The following ERBB4 variants were observed in gnomAD, a reference collection of about 807,000 sequenced individuals.
The protein encoded by ERBB4 is receptor tyrosine-protein kinase erbB-4.
In ERBB4, 42 loss-of-function variants were observed where a neutral mutation model predicts 158.0. The observed-to-expected ratio is 0.27, with a 90% CI of 0.21 to 0.34. ERBB4 has a LOEUF of 0.34. ERBB4 is among the 10% of genes least tolerant of loss of function. The pLI is 1.00. For missense variants in ERBB4, 1,333 were observed against 1,624.1 expected (o/e 0.82, Z 3.08); for synonymous variants, 583 against 558.7 (o/e 1.04, Z -0.61).
At chr2:211,510,211 T>C (rs1249766287) in intron 20 of ERBB4, among the ~76,000 whole-genome samples, 1 of 152,050 alleles carries the variant, frequency 6.6e-6, no homozygotes, top group Non-Finnish European at 1.5e-5. Flanking sequence ...GGTGGTTGGA[T>C]AAAGAAAATA....
Position 212,411,262 on chromosome 2 carries a change from A to T in ERBB4, c.82+127187T>A, listed in dbSNP as rs186607141. Among the ~76,000 whole-genome samples, 425 of 152,262 alleles carry T rather than the reference A, an allele frequency of 2.8e-3. 2 individuals are homozygous for T. The highest frequency in any genetic ancestry group is 4.1e-3 in the Non-Finnish European group (277 of 68,006). ...CATTTTTCAGTGCCATAACCACGAA[A>T]CAGGCTACAAGCAGTCCTTAAATGC... is the stretch of plus-strand genomic sequence containing the variant. On this transcript the variant is annotated intron_variant, in intron 1 of 27. Coordinates refer to ENST00000342788, the MANE Select transcript of ERBB4 (RefSeq NM_005235.3).
intron 1 of ERBB4, among the ~76,000 whole-genome samples, chr2:212,338,596 C>T (rs2088559903): frequency 6.6e-6 from 1 of 152,056 alleles, no homozygotes; most frequent in African/African-American, 2.4e-5. Context: ...AAAAGAGATA[C>T]GCACTAAAAT....
chr2:212,508,332 T>C (rs1017948487), intron 1 of ERBB4, among the ~76,000 whole-genome samples: 7 of 152,116 alleles, frequency 4.6e-5, no homozygotes, highest in Non-Finnish European at 1.0e-4. Flanking sequence ...TATTATTATA[T>C]AGAAATAAAG....
intron 2 of ERBB4, among the ~76,000 whole-genome samples, chr2:211,984,419 A>G (rs1170898328): frequency 2.6e-5 from 4 of 152,222 alleles, no homozygotes; most frequent in Admixed American, 6.5e-5. Flanking sequence ...TGAAAATTGC[A>G]TAATTTACAG....
At chr2:211,432,584 C>A (rs2063766359) in intron 20 of ERBB4, among the ~76,000 whole-genome samples, 1 of 146,794 alleles carries the variant, frequency 6.8e-6, no homozygotes, top group Admixed American at 6.8e-5. Flanking sequence ...GAACATATAG[C>A]CCTTATATGA....
chr2:211,464,030 T>C (rs1559193992), intron 20 of ERBB4, among the ~76,000 whole-genome samples: 1 of 152,164 alleles, frequency 6.6e-6, no homozygotes, highest in Non-Finnish European at 1.5e-5. Context: ...CTTGCTTTTT[T>C]CCTTTAAGTC....
chr2:211,992,974 A>C (rs1363229131), intron 2 of ERBB4, among the ~76,000 whole-genome samples: 3 of 152,220 alleles, frequency 2.0e-5, no homozygotes, highest in Non-Finnish European at 4.4e-5. Flanking sequence ...TAACCCAATC[A>C]ACTACCTGTC....
At chr2:211,853,122 T>C (rs2077759579) in intron 3 of ERBB4, among the ~76,000 whole-genome samples, 1 of 151,986 alleles carries the variant, frequency 6.6e-6, no homozygotes, top group African/African-American at 2.4e-5. Flanking sequence ...TAATATTAAG[T>C]AGAACAGTCT....
rs150339232 is a variant in ERBB4 at position 212,459,076 on chromosome 2, T to C, written c.82+79373A>G. Reference sequence around the variant, plus strand: ...AGGGATTTAAGTATAATCAAATGTTTGACAAGTAAATTTGTACAGGGTGAT... The same window carrying C: ...AGGGATTTAAGTATAATCAAATGTTCGACAAGTAAATTTGTACAGGGTGAT... On this transcript the variant is annotated intron_variant, in intron 1 of 27. Coordinates refer to ENST00000342788, the MANE Select transcript of ERBB4 (RefSeq NM_005235.3). Among the ~76,000 whole-genome samples, 34 of 152,298 alleles carry C rather than the reference T, an allele frequency of 2.2e-4. No individual in the cohort carries two copies. In the East Asian group the frequency reaches 5.6e-3, roughly 25 times the overall value.
intron 14 of ERBB4, among the ~76,000 whole-genome samples, chr2:211,670,345 C>T (rs1227441538): frequency 6.6e-6 from 1 of 152,152 alleles, no homozygotes; most frequent in African/African-American, 2.4e-5. Flanking sequence ...TGAAAGATGT[C>T]GTGTTCTTAC....
At chr2:211,745,576 G>C (rs1188172887) in intron 5 of ERBB4, among the ~76,000 whole-genome samples, 1 of 152,052 alleles carries the variant, frequency 6.6e-6, no homozygotes, top group Admixed American at 6.5e-5. Context: ...ATTTAAATTG[G>C]AATAAGTTTT....
At chr2:211,471,937 T>C (rs1165496359) in intron 20 of ERBB4, among the ~76,000 whole-genome samples, 3 of 152,000 alleles carry the variant, frequency 2.0e-5, no homozygotes, top group Non-Finnish European at 2.9e-5. Flanking sequence ...AGGCCAGGAA[T>C]TGAAGACCAG....
chr2:211,388,847 C>T (rs1447022227), intron 25 of ERBB4, among the ~76,000 whole-genome samples: 1 of 152,102 alleles, frequency 6.6e-6, no homozygotes, highest in Admixed American at 6.5e-5. Context: ...TTTCTTAATA[C>T]AAAAATACAT....
chr2:212,169,084 C>G (rs1455674198), intron 1 of ERBB4, among the ~76,000 whole-genome samples: 1 of 152,082 alleles, frequency 6.6e-6, no homozygotes, highest in African/African-American at 2.4e-5. Context: ...ATATGCAAAT[C>G]ATTGCTTTCA....
In ERBB4 at chr2:212,307,902, T is replaced by C. The variant is rs560458224; in HGVS notation, c.83-182999A>G. 3.3e-5 allele frequency among the ~76,000 whole-genome samples: 5 copies of C among 151,108 alleles called. No individual in the cohort carries two copies. The South Asian group carries it at 1.0e-3, about 31-fold the overall frequency. On this transcript the variant is annotated intron_variant, in intron 1 of 27. Coordinates refer to ENST00000342788, the MANE Select transcript of ERBB4 (RefSeq NM_005235.3). ...AGCAGCCAAAGGTAGACTAATGTTT[T>C]TGAACAGCAGCATTGCATCTTCTCA...
intron 20 of ERBB4, among the ~76,000 whole-genome samples, chr2:211,550,613 C>CTCTATATATGAATATA: frequency 7.2e-6 from 1 of 138,398 alleles, no homozygotes; most frequent in South Asian, 2.3e-4. Context: ...AGATATCTAT[C>CTCTATATATGAATATA]TCTATATATG....
chr2:212,302,415 C>T (rs2086655792), intron 1 of ERBB4, among the ~76,000 whole-genome samples: 2 of 151,424 alleles, frequency 1.3e-5, no homozygotes, highest in South Asian at 2.1e-4. Context: ...TCTACTCTAG[C>T]AGTGTTCAGT....
At chr2:212,507,949 G>C (rs996068845) in intron 1 of ERBB4, among the ~76,000 whole-genome samples, 1 of 152,070 alleles carries the variant, frequency 6.6e-6, no homozygotes, top group African/African-American at 2.4e-5. Context: ...TTTCATGAAA[G>C]GAAGAGTCAA....
Position 211,985,324 on chromosome 2 carries a change from G to A in ERBB4, c.235-37708C>T, listed in dbSNP as rs962149277. The stretch of plus-strand genomic sequence containing the variant: ...GGAAGGAATGAAAAAATAATCTATT[G>A]GAAAAAAAGTCTTTTTCTTTACTCT... On this transcript the variant is annotated intron_variant, in intron 2 of 27. Transcript: ENST00000342788. Among the ~76,000 whole-genome samples the A allele has an allele frequency of 3.9e-5, 6 of 152,038 alleles. No individual in the cohort carries two copies. In the South Asian group the frequency reaches 6.2e-4, roughly 16 times the overall value.
Sources: allele counts gnomAD v4.1 joint callset (sites outside exome capture counted in the v4.1 genomes callset), GRCh38; gene constraint gnomAD v4.1.1; transcripts MANE v1.5; gene names NCBI Gene and HGNC (gene_info 2026-07-23, HGNC 2026-07-21).